COL21A1: variants seen among roughly 807,000 people sequenced by gnomAD.
COL21A1 encodes the protein collagen type XXI alpha 1 chain.
A neutral mutation model predicts 137.9 loss-of-function variants in COL21A1; 149 were observed. The observed-to-expected ratio is 1.08, with a 90% confidence interval of 0.95 to 1.24. The LOEUF (loss-of-function observed/expected upper bound fraction) is 1.24, where lower values mean the gene tolerates loss of function less well. Among genes scored for constraint, COL21A1 ranks in the 50% most tolerant of loss-of-function variants. COL21A1 has a pLI of 0.00. For missense variants in COL21A1, 1,167 were observed against 1,158.4 expected, an observed-to-expected ratio of 1.01 and a Z score of -0.11; for synonymous variants, 456 against 391.5, an observed-to-expected ratio of 1.16 and a Z score of -1.95.
At chr6:56,292,386 C>A (rs1406140577) in intron 1 of COL21A1, among the ~76,000 whole-genome samples, 1 of 114,048 alleles carries the variant, frequency 8.8e-6, no homozygotes, top group African/African-American at 2.7e-5. Context: ...ATCAACAAAA[C>A]AGGGACCCCC....
intron 1 of COL21A1, among the ~76,000 whole-genome samples, chr6:56,254,378 T>C (rs1057494659): frequency 1.1e-4 from 17 of 152,226 alleles, no homozygotes; most frequent in Admixed American, 2.0e-4. Context: ...TATTTGTTAG[T>C]TAATTTATTT....
intron 16 of COL21A1, among the ~76,000 whole-genome samples, chr6:56,118,153 G>T (rs370793798): frequency 5.4e-5 from 7 of 129,632 alleles, no homozygotes; most frequent in African/African-American, 1.4e-4. Flanking sequence ...TGTTTTTTTT[G>T]AAAAGACAAA....
At chr6:56,166,815 T>G in intron 7 of COL21A1, 91 bp downstream of exon 7, 1 of 944,342 alleles carries the variant, frequency 1.1e-6, no homozygotes, top group Non-Finnish European at 1.7e-6. Context: ...GTCTACATAT[T>G]AAATTAATAC....
At chr6:56,232,143 T>C (rs1203031119) in intron 1 of COL21A1, among the ~76,000 whole-genome samples, 1 of 151,844 alleles carries the variant, frequency 6.6e-6, no homozygotes, top group Non-Finnish European at 1.5e-5. Flanking sequence ...GGCACTGGAA[T>C]GTGTCTTATT....
chr6:56,095,997 C>T (rs1182884981), intron 17 of COL21A1, among the ~76,000 whole-genome samples: 1 of 152,048 alleles, frequency 6.6e-6, no homozygotes, highest in Non-Finnish European at 1.5e-5. Context: ...CAGGCGCCCA[C>T]CACCACGCCT....
At chr6:56,220,382 AG>A (rs1780755799) in intron 1 of COL21A1, among the ~76,000 whole-genome samples, 1 of 152,180 alleles carries the variant, frequency 6.6e-6, no homozygotes, top group Non-Finnish European at 1.5e-5. Flanking sequence ...TTTGCAAAAA[AG>A]TTAGTCATCA....
intron 17 of COL21A1, among the ~76,000 whole-genome samples, chr6:56,094,964 A>AT (rs1289965394): frequency 7.2e-5 from 11 of 152,182 alleles, no homozygotes; most frequent in African/African-American, 2.7e-4. Flanking sequence ...AGACCTTTTT[A>AT]TCCAAATAAA....
At chr6:56,082,826 T>C (rs898877410) in intron 17 of COL21A1, among the ~76,000 whole-genome samples, 2 of 151,904 alleles carry the variant, frequency 1.3e-5, no homozygotes, top group Non-Finnish European at 2.9e-5. Context: ...GTATTTAAAA[T>C]TGTATCTAAT....
At chr6:56,083,904 G>A (rs953091067) in intron 17 of COL21A1, among the ~76,000 whole-genome samples, 1 of 151,696 alleles carries the variant, frequency 6.6e-6, no homozygotes, top group Non-Finnish European at 1.5e-5. Flanking sequence ...AAATATATCC[G>A]TATAATATAC....
intron 1 of COL21A1, among the ~76,000 whole-genome samples, chr6:56,351,535 G>A (rs181888087): frequency 4.6e-5 from 7 of 152,196 alleles, no homozygotes; most frequent in Admixed American, 2.6e-4. Context: ...GAGAGACTTT[G>A]GAGAGGGGAA....
intron 1 of COL21A1, among the ~76,000 whole-genome samples, chr6:56,192,897 C>G (rs1012612817): frequency 6.6e-6 from 1 of 152,108 alleles, no homozygotes; most frequent in Non-Finnish European, 1.5e-5. Context: ...TTCACAATGG[C>G]AAAGACTTGC....
intron 1 of COL21A1, among the ~76,000 whole-genome samples, chr6:56,311,369 G>A (rs1764610375): frequency 6.6e-6 from 1 of 152,214 alleles, no homozygotes. Context: ...GGCTCAGGCA[G>A]TACCGCCCTA....
intron 9 of COL21A1, 61 bp from the exon 10 acceptor site, chr6:56,157,010 G>C: frequency 2.5e-6 from 3 of 1,180,478 alleles, no homozygotes; most frequent in Non-Finnish European, 3.7e-6. Context: ...GTGCAGTCAG[G>C]ATCAATAAAA....
At chr6:56,081,521 A>T (rs970595718) in intron 17 of COL21A1, among the ~76,000 whole-genome samples, 8 of 151,592 alleles carry the variant, frequency 5.3e-5, no homozygotes, top group African/African-American at 1.9e-4. Flanking sequence ...ATATATTTGT[A>T]GTTGAACCCT....
chr6:56,188,220 C>A (rs1390904189), intron 1 of COL21A1, among the ~76,000 whole-genome samples: 1 of 152,082 alleles, frequency 6.6e-6, no homozygotes, highest in Non-Finnish European at 1.5e-5. Context: ...CTTTAGAGAA[C>A]TGTTAGGTAA....
chr6:56,347,083 G>A (rs1431442502), intron 1 of COL21A1, among the ~76,000 whole-genome samples: 3 of 152,144 alleles, frequency 2.0e-5, no homozygotes, highest in African/African-American at 7.2e-5. Context: ...ACACTCAGCT[G>A]CCTTTGCTGC....
intron 17 of COL21A1, among the ~76,000 whole-genome samples, chr6:56,092,238 C>G (rs935452442): frequency 6.6e-6 from 1 of 151,762 alleles, no homozygotes; most frequent in Non-Finnish European, 1.5e-5. Flanking sequence ...CATGGGAGAA[C>G]ATAAAATAAA....
intron 1 of COL21A1, among the ~76,000 whole-genome samples, chr6:56,378,355 A>T (rs2094003268): frequency 6.6e-6 from 1 of 152,108 alleles, no homozygotes; most frequent in African/African-American, 2.4e-5. Flanking sequence ...TCCCCTGAAG[A>T]TGAGTCCCAG....
At chr6:56,304,550 T>C (rs1357793670) in intron 1 of COL21A1, among the ~76,000 whole-genome samples, 247 of 149,092 alleles carry the variant, frequency 1.7e-3, no homozygotes, top group Non-Finnish European at 2.2e-3. Context: ...CTGATGGTAG[T>C]TTGTATTTCT....
Sources: gnomAD v4.1 joint callset for allele counts (sites outside exome capture counted in the v4.1 genomes callset) on GRCh38, gnomAD v4.1.1 for gene constraint, MANE v1.5 for transcripts, NCBI Gene and HGNC (gene_info 2026-07-23, HGNC 2026-07-21) for gene names.